Variants in NABP2 observed in about 807,000 individuals in gnomAD.
NABP2 encodes the protein SOSS complex subunit B1.
Under a neutral mutation model 22.7 loss-of-function variants are expected in NABP2, and 7 were observed. The ratio of observed to expected loss-of-function variants is 0.31; its 90% CI spans 0.18 to 0.58. The LOEUF (loss-of-function observed/expected upper bound fraction) is 0.58, where lower values mean the gene tolerates loss of function less well. NABP2 is among the 20% of genes least tolerant of loss of function. The pLI is 0.89. For synonymous variants in NABP2, 107 were observed against 99.2 expected (o/e 1.08, Z -0.47); for missense variants, 188 against 265.9 (o/e 0.71, Z 2.04).
At position 56,229,458 on chromosome 12, in the gene NABP2, G is replaced by T; in HGVS notation, c.*245G>T. On this transcript the variant is annotated 3_prime_UTR_variant, in exon 7 of 7. Transcript: ENST00000267023. ...CTTTAGAAATGGCAGTTACTGGCTG[G>T]GCGCAGTGGCTCACGCTTGTAATCC... The T allele has an allele frequency of 1.9e-6, 1 of 520,038 alleles. No individual in the cohort carries two copies. The highest frequency in any genetic ancestry group is 3.5e-6 in the Non-Finnish European group (1 of 288,030). 32.2% of individuals were successfully genotyped at this position (520,038 alleles called of 1,614,324 possible).
At position 56,229,196 on chromosome 12, in the gene NABP2, A is replaced by G; in HGVS notation, c.619A>G (p.Arg207Gly). 1.2e-6 allele frequency: 2 copies of G among 1,607,592 alleles called. No individual in the cohort carries two copies. Among genetic ancestry groups the G allele is most frequent in the Non-Finnish European group, 1.7e-6 (2 of 1,177,136 alleles). Residue 207 changes from arginine to glycine, a missense_variant, in exon 7 of 7, where the codon AGG becomes GGG. By Grantham distance (125) the Arg-to-Gly change is moderately radical. Transcript: ENST00000267023. ...NPVSNGKETR[R>G]SSKR The stretch of plus-strand genomic sequence containing the variant: ...TGTTAGTAACGGCAAAGAAACCCGG[A>G]GGAGCAGCAAGAGATAGCATGACAT...
intron 6 of NABP2, among the ~76,000 whole-genome samples, chr12:56,228,643 C>G (rs2135837623): frequency 6.6e-6 from 1 of 152,180 alleles, no homozygotes; most frequent in South Asian, 2.1e-4. Flanking sequence ...GCGTCAGCCT[C>G]CCACCGTACT....
Position 56,226,472 on chromosome 12 carries a change from A to G in NABP2, c.436+53A>G, listed in dbSNP as rs373918895. ...TCCTCCTAGCTCTCCCACTCTCCTC[A>G]GCCTAGAAAGATGCATTTCCCTCAT... is the stretch of plus-strand genomic sequence containing the variant. On this transcript the variant is annotated intron_variant, in intron 6 of 6. Transcript: ENST00000267023. 3.1e-5 allele frequency: 47 copies of G among 1,503,178 alleles called. No homozygotes were observed. The African/African-American group carries it at 5.7e-4, about 18-fold the overall frequency. 93.1% of individuals were successfully genotyped at this position (1,503,178 alleles called of 1,614,324 possible).
upstream of NABP2, chr12:56,224,309 G>C: frequency 3.0e-6 from 3 of 987,184 alleles, no homozygotes; most frequent in Non-Finnish European, 2.4e-6. Flanking sequence ...TTGGCCGGAG[G>C]AGGCCAGCCG....
At chr12:56,227,862 C>T (rs1869845879) in intron 6 of NABP2, among the ~76,000 whole-genome samples, 2 of 152,178 alleles carry the variant, frequency 1.3e-5, no homozygotes, top group South Asian at 4.2e-4. Flanking sequence ...AAAAATGTGA[C>T]TTGTTATTAG....
upstream of NABP2, among the ~76,000 whole-genome samples, chr12:56,223,251 C>G (rs543285140): frequency 1.6e-4 from 24 of 151,888 alleles, no homozygotes; most frequent in African/African-American, 5.8e-4. Flanking sequence ...CGGGGTGGAG[C>G]GGTGGGGCGG....
chr12:56,224,534 T>A (rs1869666614), intron 1 of NABP2, 93 bp downstream of exon 1: 1 of 1,167,576 alleles, frequency 8.6e-7, no homozygotes, highest in Admixed American at 3.7e-5. Flanking sequence ...AAGATTCTAC[T>A]CCCTGGCTGT....
At chr12:56,222,848 T>C (rs140010824), upstream of NABP2, among the ~76,000 whole-genome samples, 319 of 152,328 alleles carry the variant, frequency 2.1e-3, 1 homozygote, top group African/African-American at 7.1e-3. Context: ...CAGAGCTAGC[T>C]ACCTTTTGTG....
intron 6 of NABP2, 152 bp from the exon 7 acceptor site, chr12:56,228,862 C>A: frequency 1.4e-6 from 1 of 709,258 alleles, no homozygotes; most frequent in Non-Finnish European, 2.4e-6. Context: ...ATACTCGCAG[C>A]CCACAGTCTT....
Position 56,229,210 on chromosome 12 carries a change from A to C in NABP2, c.633A>C (p.Arg211Ser). 1.2e-6 allele frequency: 2 copies of C among 1,612,210 alleles called. No homozygotes were observed. Among genetic ancestry groups the C allele is most frequent in the Non-Finnish European group, 1.7e-6 (2 of 1,179,998 alleles). ...NGKETRRSSK[R>S] ...AAGAAACCCGGAGGAGCAGCAAGAG[A>C]TAGCATGACATTCTTTCTTCCTGCC... Residue 211 changes from arginine to serine, a missense_variant, in exon 7 of 7, where the codon AGA (arginine) becomes AGC (serine). Arg to Ser is a moderately radical substitution (Grantham distance 110, BLOSUM62 -1). Transcript: ENST00000267023.
chr12:56,227,153 T>C (rs1284214556), intron 6 of NABP2, among the ~76,000 whole-genome samples: 2 of 151,696 alleles, frequency 1.3e-5, no homozygotes, highest in African/African-American at 4.8e-5. Context: ...GGCTGGCAGA[T>C]CACCTGAGGT....
At chr12:56,228,947 C>G (rs1434240409) in intron 6 of NABP2, 67 bp from the exon 7 acceptor site, 25 of 1,433,270 alleles carry the variant, frequency 1.7e-5, no homozygotes, top group Non-Finnish European at 2.4e-5. Flanking sequence ...GGCATGGAGA[C>G]AGGCCTTGGG....
chr12:56,226,270 G>A lies in NABP2; in HGVS notation c.372+10G>A. 1.9e-6 allele frequency: 3 copies of A among 1,614,172 alleles called. No individual in the cohort carries two copies. The highest frequency in any genetic ancestry group is 1.6e-4 in the Middle Eastern group (1 of 6,062). On this transcript the variant is annotated intron_variant, in intron 5 of 6. Coordinates refer to ENST00000267023, the MANE Select transcript of NABP2 (RefSeq NM_024068.4). ...GGCACCCAACAAGGCGGTGAGTCCT[G>A]TGGCCACAATGGTGGGAAAGGAGGG...
chr12:56,224,207 A>C (rs1012734966), upstream of NABP2: 5 of 481,638 alleles, frequency 1.0e-5, no homozygotes, highest in East Asian at 7.7e-4. Context: ...TTAATACCTG[A>C]AATTCGCCCC....
chr12:56,224,508 GGAAGATCTGGCCA>G (rs1334874328), intron 1 of NABP2, 67 bp downstream of exon 1: 2 of 1,086,310 alleles, frequency 1.8e-6, no homozygotes, highest in Non-Finnish European at 2.3e-6. Context: ...TGAGGGTTCC[GGAAGATCTGGCCA>G]GTAAGATTCT....
Position 56,229,301 on chromosome 12 carries a change from G to T in NABP2, c.*88G>T. The T allele has an allele frequency of 1.4e-6, 2 of 1,462,652 alleles. No homozygotes were observed. The highest frequency in any genetic ancestry group is 1.9e-6 in the Non-Finnish European group (2 of 1,059,636). 90.6% of individuals were successfully genotyped at this position (1,462,652 alleles called of 1,614,324 possible). ...CTTCCACTGATTGGCTGGTGTAGCA[G>T]TATTTTAGCCACTGAACTTCAGTGG... On this transcript the variant is annotated 3_prime_UTR_variant, in exon 7 of 7. Coordinates refer to ENST00000267023, the MANE Select transcript of NABP2 (RefSeq NM_024068.4).
At chr12:56,224,756 G>A in intron 1 of NABP2, 78 bp from the exon 2 acceptor site, 3 of 1,275,178 alleles carry the variant, frequency 2.4e-6, no homozygotes, top group Non-Finnish European at 2.3e-6. Flanking sequence ...AGCCTAATGG[G>A]GTAGGTAGGC....
intron 1 of NABP2, 41 bp from the exon 2 acceptor site, chr12:56,224,793 G>A (rs754260619): frequency 1.4e-5 from 22 of 1,557,502 alleles, no homozygotes; most frequent in Non-Finnish European, 1.3e-5. Flanking sequence ...TGGGGGCAAA[G>A]GATCCAAGCA....
At chr12:56,223,354 G>A (rs1869594162), upstream of NABP2, among the ~76,000 whole-genome samples, 1 of 152,050 alleles carries the variant, frequency 6.6e-6, no homozygotes, top group Non-Finnish European at 1.5e-5. Context: ...TTGAGGTCAT[G>A]AGTCCGAGAC....
Sources: gnomAD v4.1 joint callset for allele counts (sites outside exome capture counted in the v4.1 genomes callset) on GRCh38, gnomAD v4.1.1 for gene constraint, MANE v1.5 for transcripts, NCBI Gene and HGNC (gene_info 2026-07-23, HGNC 2026-07-21) for gene names.